TARBP1: variants seen among roughly 807,000 people sequenced by gnomAD.
TARBP1 encodes tRNA (guanosine(18)-2'-O)-methyltransferase TARBP1.
Under a neutral mutation model 178.6 loss-of-function variants are expected in TARBP1, and 144 were observed. That is an observed-to-expected ratio of 0.81 (90% CI 0.70 to 0.93). The LOEUF is 0.93. Ranked by LOEUF, TARBP1 falls within the 40% of genes least tolerant of loss-of-function variation. The pLI is 0.00. For missense variants in TARBP1, 2,067 were observed against 2,011.7 expected (o/e 1.03, Z -0.53); for synonymous variants, 787 against 781.0 (o/e 1.01, Z -0.13).
In TARBP1 at chr1:234,479,133, C is replaced by T. The variant is rs941966; in HGVS notation, c.-30G>A. 3 of 1,503,366 alleles carry T rather than the reference C, an allele frequency of 2.0e-6. No individual in the cohort carries two copies. Among genetic ancestry groups the T allele is most frequent in the Non-Finnish European group, 2.6e-6 (3 of 1,139,990 alleles). 93.1% of individuals were successfully genotyped at this position (1,503,366 alleles called of 1,614,324 possible). ...CGAGCGCCCGCGCCACCGGCCCGGG[C>T]TCCCAAAGGAAGGCGCCGGCGTGTG... is the stretch of plus-strand genomic sequence containing the variant. On this transcript the variant is annotated 5_prime_UTR_variant, in exon 1 of 30. Coordinates refer to ENST00000040877, the MANE Select transcript of TARBP1 (RefSeq NM_005646.4).
chr1:234,436,576 G>A (rs1439612143), intron 13 of TARBP1, among the ~76,000 whole-genome samples: 1 of 152,050 alleles, frequency 6.6e-6, no homozygotes, highest in Non-Finnish European at 1.5e-5. Context: ...TCATACCTGT[G>A]TAAGCTGTCA....
chr1:234,439,663 T>C (rs1665393090), intron 12 of TARBP1, among the ~76,000 whole-genome samples: 1 of 152,070 alleles, frequency 6.6e-6, no homozygotes, highest in Non-Finnish European at 1.5e-5. Context: ...TCATTTCTAC[T>C]AAAAATACAA....
rs987050705 is a variant in TARBP1, at chr1:234,391,327, A to T, written c.*250T>A. 13 of 349,930 alleles carry T rather than the reference A, an allele frequency of 3.7e-5. No homozygotes were observed. Among genetic ancestry groups the T allele is most frequent in the Non-Finnish European group, 6.6e-5 (13 of 196,642 alleles). 21.7% of individuals were successfully genotyped at this position (349,930 alleles called of 1,614,324 possible). A position where few individuals can be genotyped will look rare whatever the true frequency, so the allele number is the denominator to read the frequency against. On this transcript the variant is annotated 3_prime_UTR_variant, in exon 30 of 30. Transcript: ENST00000040877. ...TAGGAAATAAATTCTCTCTTAAAAA[A>T]TCCATTGTTTTATTTCCACAATTGC...
At chr1:234,409,426 T>C (rs556009814) in intron 23 of TARBP1, among the ~76,000 whole-genome samples, 1 of 152,352 alleles carries the variant, frequency 6.6e-6, no homozygotes, top group Admixed American at 6.5e-5. Context: ...GCTTTCTCAA[T>C]AGATTGTAAG....
At position 234,430,233 on chromosome 1, in the gene TARBP1, G is replaced by A; in HGVS notation, c.2463C>T (p.Ala821=). Residue 821 remains alanine, a synonymous_variant, in exon 15 of 30, where the codon GCC becomes GCT. Coordinates refer to ENST00000040877, the MANE Select transcript of TARBP1 (RefSeq NM_005646.4). ...GCTGCAGCTCAGGCTTCTGGTCTAT[G>A]GCCTCACACACCATGGCCAAGGCAG... ...SMAALAMVCE[A]IDQKPELQLD... 6.2e-7 allele frequency: 1 copy of A among 1,614,152 alleles called. No homozygotes were observed. The highest frequency in any genetic ancestry group is 1.3e-5 in the African/African-American group (1 of 75,034).
rs543242535 is a variant in TARBP1 at position 234,479,059 on chromosome 1, G to C, written c.45C>G (p.Asp15Glu). The C allele has an allele frequency of 1.3e-6, 2 of 1,539,712 alleles. No individual in the cohort carries two copies. The highest frequency in any genetic ancestry group is 2.8e-5 in the African/African-American group (2 of 70,252). Residue 15 changes from aspartate (D) to glutamate (E), a missense_variant, in exon 1 of 30, where the codon GAC becomes GAG. Coordinates refer to ENST00000040877, the MANE Select transcript of TARBP1 (RefSeq NM_005646.4). ...LAEALLSQSR[D>E]PRALLGALCQ... The stretch of plus-strand genomic sequence containing the variant: ...ACAGCGCCCCAAGCAGGGCCCGGGG[G>C]TCCCGGCTCTGCGAGAGCAGCGCTT...
At chr1:234,440,257 A>C (rs927888243) in intron 12 of TARBP1, among the ~76,000 whole-genome samples, 1 of 152,130 alleles carries the variant, frequency 6.6e-6, no homozygotes, top group African/African-American at 2.4e-5. Context: ...GAAACGTCTA[A>C]AATCAACAAT....
At chr1:234,412,136 A>G (rs1219592664) in intron 22 of TARBP1, among the ~76,000 whole-genome samples, 1 of 152,182 alleles carries the variant, frequency 6.6e-6, no homozygotes, top group East Asian at 1.9e-4. Context: ...AAGAATGACA[A>G]TATGGGCCTG....
chr1:234,456,184 T>C (rs924547207), intron 9 of TARBP1, among the ~76,000 whole-genome samples: 2 of 152,202 alleles, frequency 1.3e-5, no homozygotes, highest in South Asian at 2.1e-4. Context: ...TAAAAACATA[T>C]AGAAATAAGT....
At chr1:234,466,553 A>G (rs1668459476) in intron 4 of TARBP1, among the ~76,000 whole-genome samples, 1 of 129,938 alleles carries the variant, frequency 7.7e-6, no homozygotes, top group South Asian at 2.6e-4. Context: ...AATATATTCA[A>G]TCATTCTTTT....
intron 28 of TARBP1, 68 bp from the exon 29 acceptor site, chr1:234,392,620 TA>T: frequency 3.5e-6 from 5 of 1,439,228 alleles, no homozygotes; most frequent in Admixed American, 2.0e-5. Flanking sequence ...AAATTAGAGT[TA>T]AAAAACGTAT....
chr1:234,396,985 G>A (rs1355495519), intron 26 of TARBP1, among the ~76,000 whole-genome samples: 13 of 151,510 alleles, frequency 8.6e-5, no homozygotes, highest in Non-Finnish European at 1.5e-4. Context: ...TGAGGGCAGC[G>A]TCCATTTTCC....
intron 28 of TARBP1, among the ~76,000 whole-genome samples, chr1:234,392,877 AT>A (rs917583779): frequency 2.6e-4 from 39 of 151,254 alleles, no homozygotes; most frequent in African/African-American, 8.0e-4. Context: ...CGCCCGGCTA[AT>A]TTTTTTTTAT....
chr1:234,465,225 G>A (rs1474437490), intron 5 of TARBP1, among the ~76,000 whole-genome samples: 1 of 152,164 alleles, frequency 6.6e-6, no homozygotes, highest in Non-Finnish European at 1.5e-5. Context: ...TTAACATTCA[G>A]GGAATATGGG....
intron 10 of TARBP1, among the ~76,000 whole-genome samples, 186 bp downstream of exon 10, chr1:234,450,242 A>G (rs1301410537): frequency 1.3e-5 from 2 of 152,160 alleles, no homozygotes; most frequent in Admixed American, 1.3e-4. Flanking sequence ...GAACAGATAA[A>G]GTATTAATAC....
rs1328635136 is a variant in TARBP1, at chr1:234,478,889, A to T, written c.215T>A (p.Leu72Gln). 2.9e-6 allele frequency: 4 copies of T among 1,363,528 alleles called. No individual in the cohort carries two copies. Among genetic ancestry groups the T allele is most frequent in the Non-Finnish European group, 3.8e-6 (4 of 1,064,918 alleles). 84.5% of individuals were successfully genotyped at this position (1,363,528 alleles called of 1,614,324 possible). A position where few individuals can be genotyped will look rare whatever the true frequency, so the allele number is the denominator to read the frequency against. The change falls in exon 1 of 30, where the codon CTG becomes CAG. Residue 72 changes from leucine to glutamine, a missense_variant. Leu to Gln is a moderately radical substitution (Grantham distance 113, BLOSUM62 -2). Transcript: ENST00000040877. ...REVAAGYLVP[L>Q]LRSLRGRPAG... Reference sequence around the variant, plus strand: ...GGGGCGTCCGCGCAGGCTCCGCAGCAGTGGCACGAGGTACCCTGCAGCCAC... The same window carrying T: ...GGGGCGTCCGCGCAGGCTCCGCAGCTGTGGCACGAGGTACCCTGCAGCCAC...
rs3754307 is a variant in TARBP1 at position 234,471,252 on chromosome 1, A to G, written c.1035T>C (p.His345=). ...GCTTTGGTAAAACTGGCTTTATAAC[A>G]TGTATCTAAAAATAAGAGCAAAAAA... ...IMETLEGNQI[H]VIKPVLPKLN... The change falls in exon 3 of 30, where the codon CAT becomes CAC. Residue 345 remains histidine, a synonymous_variant. Coordinates refer to ENST00000040877, the MANE Select transcript of TARBP1 (RefSeq NM_005646.4). The G allele has an allele frequency of 0.09, 142,661 of 1,584,506 alleles. 20,439 individuals carry two copies. Among genetic ancestry groups the G allele is most frequent in the East Asian group, 0.74 (32,688 of 43,924 alleles).
chr1:234,429,812 C>A, intron 15 of TARBP1, 135 bp from the exon 16 acceptor site: 1 of 1,060,590 alleles, frequency 9.4e-7, no homozygotes, highest in Non-Finnish European at 1.3e-6. Context: ...TATCAAACAG[C>A]CTATCTACCA....
chr1:234,430,134 G>A lies in TARBP1; in HGVS notation c.2562C>T (p.Pro854=). The A allele has an allele frequency of 6.2e-7, 1 of 1,614,144 alleles. No homozygotes were observed. The highest frequency in any genetic ancestry group is 1.1e-5 in the South Asian group (1 of 91,068). ...CATAACTGCTCTGCTCCTCTGCGTG[G>A]GGCTTCTGCAGCGTCTGATTGAGCT... ...SLQLNQTLQK[P]HAEEQSSYAH... Residue 854 remains proline, a synonymous_variant, in exon 15 of 30, where the codon CCC becomes CCT. Transcript: ENST00000040877.
Sources: allele counts gnomAD v4.1 joint callset (sites outside exome capture counted in the v4.1 genomes callset), GRCh38; gene constraint gnomAD v4.1.1; transcripts MANE v1.5; gene names NCBI Gene and HGNC (gene_info 2026-07-23, HGNC 2026-07-21).